Variants in MRTFA observed in about 807,000 individuals in gnomAD.
The protein encoded by MRTFA is myocardin-related transcription factor A.
In MRTFA, 20 loss-of-function variants were observed where a neutral mutation model predicts 83.5. The ratio of observed to expected loss-of-function variants is 0.24; its 90% CI spans 0.17 to 0.35. The LOEUF is 0.35. MRTFA is among the 10% of genes least tolerant of loss of function. MRTFA has a pLI of 1.00. For synonymous variants in MRTFA, 659 were observed against 541.2 expected (o/e 1.22, Z -3.02); for missense variants, 1,200 against 1,224.7 (o/e 0.98, Z 0.30).
At chr22:40,634,825 A>G (rs907387312) in intron 1 of MRTFA, among the ~76,000 whole-genome samples, 6 of 152,214 alleles carry the variant, frequency 3.9e-5, no homozygotes, top group Non-Finnish European at 8.8e-5. Flanking sequence ...ACTCCCTAAT[A>G]GCATCTGGCA....
chr22:40,611,076 T>C (rs2056382449), intron 1 of MRTFA, among the ~76,000 whole-genome samples: 1 of 151,906 alleles, frequency 6.6e-6, no homozygotes, highest in Non-Finnish European at 1.5e-5. Context: ...TAGCTGGGAT[T>C]ACACGCGTGT....
chr22:40,572,953 T>C (rs1256213521), intron 2 of MRTFA, among the ~76,000 whole-genome samples: 7 of 152,280 alleles, frequency 4.6e-5, no homozygotes, highest in East Asian at 1.9e-4. Flanking sequence ...AGCCAAACCA[T>C]AACAATTTGC....
At chr22:40,600,167 T>C (rs948458354) in intron 1 of MRTFA, among the ~76,000 whole-genome samples, 1 of 152,160 alleles carries the variant, frequency 6.6e-6, no homozygotes, top group Non-Finnish European at 1.5e-5. Context: ...AATCTCTCTC[T>C]GCCTGATTCC....
chr22:40,588,730 C>G (rs909037279), intron 2 of MRTFA, among the ~76,000 whole-genome samples: 2 of 152,088 alleles, frequency 1.3e-5, no homozygotes, highest in African/African-American at 2.4e-5. Context: ...ACCTATAATC[C>G]CAATGCTTTG....
intron 1 of MRTFA, among the ~76,000 whole-genome samples, chr22:40,615,434 G>T (rs747968539): frequency 6.6e-6 from 1 of 152,102 alleles, no homozygotes; most frequent in Admixed American, 6.5e-5. Flanking sequence ...CTTGTAAATT[G>T]TTTTGGCTAT....
At chr22:40,588,062 T>C (rs2056058746) in intron 2 of MRTFA, 1 of 165,342 alleles carries the variant, frequency 6.0e-6, no homozygotes, top group Admixed American at 6.6e-5. Flanking sequence ...AGAGTCTCGC[T>C]CTGTCGCCCA....
Position 40,424,194 on chromosome 22 carries a change from G to C in MRTFA, c.777+12C>G. ...CTTGGAGCTGGGGAAGCATCTGGAA[G>C]CACACACTCACCTGGGTGGGGGATG... On this transcript the variant is annotated intron_variant, in intron 8 of 14. Transcript: ENST00000355630. The C allele has an allele frequency of 1.9e-6, 3 of 1,584,208 alleles. No individual in the cohort carries two copies. The highest frequency in any genetic ancestry group is 2.6e-6 in the Non-Finnish European group (3 of 1,168,268).
intron 3 of MRTFA, among the ~76,000 whole-genome samples, chr22:40,472,199 TG>T (rs765809513): frequency 5.1e-4 from 77 of 152,226 alleles, no homozygotes; most frequent in Non-Finnish European, 8.1e-4. Context: ...TGGTCTGGAA[TG>T]GGGCCTAGAC....
intron 1 of MRTFA, among the ~76,000 whole-genome samples, chr22:40,620,662 T>G (rs1398418965): frequency 6.6e-6 from 1 of 152,034 alleles, no homozygotes; most frequent in Non-Finnish European, 1.5e-5. Flanking sequence ...AACCTCTTAG[T>G]CATGCTGAAG....
intron 2 of MRTFA, among the ~76,000 whole-genome samples, chr22:40,553,576 ATTGAGGT>A (rs1011085513): frequency 2.2e-4 from 34 of 152,202 alleles, no homozygotes; most frequent in African/African-American, 7.5e-4. Flanking sequence ...GAAGTCTGGA[ATTGAGGT>A]TTGGGAACCT....
chr22:40,619,498 A>T (rs1337227471), intron 1 of MRTFA, among the ~76,000 whole-genome samples: 1 of 152,308 alleles, frequency 6.6e-6, no homozygotes, highest in East Asian at 1.9e-4. Flanking sequence ...GAATTTGGAA[A>T]TTTAGATTCC....
intron 3 of MRTFA, among the ~76,000 whole-genome samples, chr22:40,531,195 C>T (rs781334018): frequency 1.3e-5 from 2 of 150,898 alleles, no homozygotes; most frequent in Non-Finnish European, 2.9e-5. Context: ...ACCTCCTGGG[C>T]TCAATCGATC....
chr22:40,592,150 A>C (rs964985669), intron 2 of MRTFA, among the ~76,000 whole-genome samples: 2 of 151,414 alleles, frequency 1.3e-5, no homozygotes, highest in African/African-American at 4.9e-5. Context: ...TGTGTGGGCC[A>C]GGCATGGTGG....
At chr22:40,611,526 T>C (rs2056388123) in intron 1 of MRTFA, among the ~76,000 whole-genome samples, 3 of 152,152 alleles carry the variant, frequency 2.0e-5, no homozygotes, top group Admixed American at 1.3e-4. Context: ...ATGACAGGAA[T>C]GAGCCACTGC....
chr22:40,601,740 G>C (rs1296879760), intron 1 of MRTFA, among the ~76,000 whole-genome samples: 3 of 152,158 alleles, frequency 2.0e-5, no homozygotes, highest in Admixed American at 6.5e-5. Context: ...AGCCATGGAT[G>C]TGCCACTGTG....
At chr22:40,548,576 T>G (rs2147307285) in intron 3 of MRTFA, among the ~76,000 whole-genome samples, 1 of 151,700 alleles carries the variant, frequency 6.6e-6, no homozygotes, top group East Asian at 2.0e-4. Context: ...ATATACCATT[T>G]AAGGCCGGGC....
chr22:40,615,142 C>G, intron 1 of MRTFA, among the ~76,000 whole-genome samples: 1 of 152,200 alleles, frequency 6.6e-6, no homozygotes, highest in South Asian at 2.1e-4. Context: ...TTTAGGTCTA[C>G]AAACCATTTC....
intron 3 of MRTFA, chr22:40,526,426 G>A (rs191673277): frequency 6.6e-6 from 1 of 152,302 alleles, no homozygotes; most frequent in Admixed American, 6.5e-5. Context: ...GGAATAACAA[G>A]TACAAAAGCC....
intron 3 of MRTFA, among the ~76,000 whole-genome samples, chr22:40,464,077 C>T (rs1029949358): frequency 1.3e-4 from 19 of 151,790 alleles, no homozygotes; most frequent in Non-Finnish European, 2.5e-4. Context: ...CCGAGGCGGG[C>T]GGATCACAAG....
Sources: gnomAD v4.1 joint callset for allele counts (sites outside exome capture counted in the v4.1 genomes callset) on GRCh38, gnomAD v4.1.1 for gene constraint, MANE v1.5 for transcripts, NCBI Gene and HGNC (gene_info 2026-07-23, HGNC 2026-07-21) for gene names.